Variants in CCDC195 observed in about 807,000 individuals in gnomAD.
CCDC195 encodes coiled-coil domain containing 195, also known as coiled-coil domain-containing protein 195.
chr2:224,711,039 C>G (rs1689313586), intron 1 of CCDC195, among the ~76,000 whole-genome samples: 3 of 152,226 alleles, frequency 2.0e-5, no homozygotes, highest in African/African-American at 7.2e-5. Flanking sequence ...GGCCTTCTTA[C>G]TCCTGATTCT....
chr2:224,715,444 T>C (rs913358231), intron 1 of CCDC195, among the ~76,000 whole-genome samples: 1 of 152,254 alleles, frequency 6.6e-6, no homozygotes, highest in African/African-American at 2.4e-5. Flanking sequence ...TCTTGAAGTC[T>C]TCAATCTGCA....
At chr2:224,703,951 T>A in intron 2 of CCDC195, 64 bp from the exon 3 acceptor site, 1 of 397,870 alleles carries the variant, frequency 2.5e-6, no homozygotes, top group Non-Finnish European at 4.4e-6. Context: ...AGAACATTGA[T>A]GATTTTTCCC....
intron 2 of CCDC195, among the ~76,000 whole-genome samples, chr2:224,704,610 CTTTTTTTTTTTTTTTTCTTTTT>C (rs1398110494): frequency 7.2e-5 from 8 of 110,624 alleles, no homozygotes; most frequent in Admixed American, 5.4e-4. Flanking sequence ...CTTTTCTTTT[CTTTTTTTTTTTTTTTTCTTTTT>C]TTTTTTTTGA....
intron 2 of CCDC195, among the ~76,000 whole-genome samples, chr2:224,708,147 AC>A (rs1186814710): frequency 6.6e-6 from 1 of 152,020 alleles, no homozygotes; most frequent in African/African-American, 2.4e-5. Context: ...GAGCCACCGC[AC>A]CTAGCCACAT....
intron 1 of CCDC195, among the ~76,000 whole-genome samples, chr2:224,710,785 C>T (rs1404262046): frequency 6.6e-6 from 1 of 152,138 alleles, no homozygotes; most frequent in African/African-American, 2.4e-5. Flanking sequence ...ATGTGGAAGA[C>T]AGACAGTAAA....
intron 2 of CCDC195, among the ~76,000 whole-genome samples, chr2:224,708,434 G>A (rs916352794): frequency 6.6e-6 from 1 of 151,930 alleles, no homozygotes; most frequent in African/African-American, 2.4e-5. Context: ...TCTCTCAGTG[G>A]CATGGCTTCT....
intron 1 of CCDC195, among the ~76,000 whole-genome samples, chr2:224,714,903 T>G (rs1689362329): frequency 6.6e-6 from 1 of 152,120 alleles, no homozygotes. Flanking sequence ...CCTGTTCCAT[T>G]GTCAACCTGT....
chr2:224,710,071 A>T, exon 2 of CCDC195: 1 of 398,574 alleles, frequency 2.5e-6, no homozygotes, highest in Non-Finnish European at 4.4e-6. Context: ...CTTGCTTCTT[A>T]ATTGGAGAAC....
chr2:224,706,189 CTTTTTTTTTTTTTTTTTT>C (rs201012911), intron 2 of CCDC195, among the ~76,000 whole-genome samples: 125 of 33,366 alleles, frequency 3.7e-3, no homozygotes, highest in Admixed American at 7.1e-3. Context: ...TATTTTGTAA[CTTTTTTTTTTTTTTTTTT>C]TTTTTTTTTT....
intron 2 of CCDC195, among the ~76,000 whole-genome samples, chr2:224,709,086 CTTTT>C (rs35179742): frequency 3.1e-5 from 3 of 95,762 alleles, no homozygotes; most frequent in Non-Finnish European, 2.0e-5. Flanking sequence ...TTTCTTTTGT[CTTTT>C]TTTTTTTTTT....
intron 2 of CCDC195, among the ~76,000 whole-genome samples, chr2:224,705,509 A>T (rs1428325674): frequency 6.6e-6 from 1 of 152,192 alleles, no homozygotes. Flanking sequence ...TTCACAAGCA[A>T]ATTGGTTATG....
intron 1 of CCDC195, among the ~76,000 whole-genome samples, chr2:224,714,093 G>A (rs544833972): frequency 2.0e-5 from 3 of 152,000 alleles, no homozygotes; most frequent in South Asian, 2.1e-4. Flanking sequence ...TCCTGCCTTC[G>A]CCTCCCAAAG....
exon 2 of CCDC195, chr2:224,710,020 G>T: frequency 2.5e-6 from 1 of 398,564 alleles, no homozygotes; most frequent in Non-Finnish European, 4.4e-6. Context: ...TGGTCCTATT[G>T]CTGGTGAGAG....
chr2:224,711,361 GTTT>G (rs563860657), intron 1 of CCDC195, among the ~76,000 whole-genome samples: 2 of 138,096 alleles, frequency 1.4e-5, no homozygotes, highest in African/African-American at 5.3e-5. Context: ...AATCTTCCCT[GTTT>G]TTTTTTTTTT....
chr2:224,707,494 A>T (rs1471864142), intron 2 of CCDC195, among the ~76,000 whole-genome samples: 1 of 152,080 alleles, frequency 6.6e-6, no homozygotes, highest in African/African-American at 2.4e-5. Flanking sequence ...TCCCTTCTTT[A>T]TTCAGATGGA....
At chr2:224,706,579 C>T (rs975954814) in intron 2 of CCDC195, among the ~76,000 whole-genome samples, 8 of 142,844 alleles carry the variant, frequency 5.6e-5, no homozygotes, top group Non-Finnish European at 1.1e-4. Flanking sequence ...GGCGTGATCT[C>T]GGTTCACTGC....
intron 1 of CCDC195, among the ~76,000 whole-genome samples, chr2:224,714,116 A>G (rs1689354185): frequency 6.6e-6 from 1 of 152,220 alleles, no homozygotes; most frequent in Non-Finnish European, 1.5e-5. Flanking sequence ...CTGGGATTAC[A>G]GGCATGAGCC....
chr2:224,709,299 G>T (rs1262144952), intron 2 of CCDC195, among the ~76,000 whole-genome samples: 1 of 151,950 alleles, frequency 6.6e-6, no homozygotes, highest in African/African-American at 2.4e-5. Flanking sequence ...ATGTTGGCCA[G>T]GCTGGCCTTG....
At chr2:224,716,080 C>T (rs1036549757) in intron 1 of CCDC195, 51 bp downstream of exon 1, 16 of 398,022 alleles carry the variant, frequency 4.0e-5, no homozygotes, top group South Asian at 1.4e-4. Context: ...AACTATTTCA[C>T]GATATTTGCA....
Sources: allele counts gnomAD v4.1 joint callset (sites outside exome capture counted in the v4.1 genomes callset), GRCh38; gene constraint gnomAD v4.1.1; transcripts MANE v1.5; gene names NCBI Gene and HGNC (gene_info 2026-07-23, HGNC 2026-07-21).